GNAQ: variants seen among roughly 807,000 people sequenced by gnomAD.
GNAQ encodes the protein G protein subunit alpha q.
Under a neutral mutation model 43.9 loss-of-function variants are expected in GNAQ, and 8 were observed. The observed-to-expected ratio is 0.18, with a 90% CI of 0.11 to 0.33. The LOEUF is 0.33. Ranked by LOEUF, GNAQ falls within the 10% of genes least tolerant of loss-of-function variation. The pLI, the probability that GNAQ is intolerant of heterozygous loss-of-function variation, is 1.00. For synonymous variants in GNAQ, 155 were observed against 170.7 expected (o/e 0.91, Z 0.71); for missense variants, 158 against 450.8 (o/e 0.35, Z 5.88).
chr9:77,936,090 G>T (rs762434339), intron 1 of GNAQ, among the ~76,000 whole-genome samples: 5 of 152,150 alleles, frequency 3.3e-5, no homozygotes, highest in Admixed American at 2.6e-4. Context: ...GTACATCGGT[G>T]CATTTTATTA....
chr9:77,884,192 A>G (rs1368167760), intron 2 of GNAQ, among the ~76,000 whole-genome samples: 1 of 152,146 alleles, frequency 6.6e-6, no homozygotes, highest in Non-Finnish European at 1.5e-5. Flanking sequence ...CTGGGAGGGG[A>G]AAAAAGATTC....
At chr9:77,795,782 T>C (rs1826648509) in intron 4 of GNAQ, among the ~76,000 whole-genome samples, 3 of 152,170 alleles carry the variant, frequency 2.0e-5, no homozygotes, top group Non-Finnish European at 2.9e-5. Flanking sequence ...AAATCCTCAT[T>C]CCATGAAACT....
At chr9:77,864,193 T>C (rs910797328) in intron 2 of GNAQ, among the ~76,000 whole-genome samples, 3 of 146,520 alleles carry the variant, frequency 2.0e-5, no homozygotes, top group African/African-American at 5.0e-5. Context: ...TTTTAAACAA[T>C]TAGTTCTCTC....
At chr9:77,762,033 A>G (rs1408165579) in intron 5 of GNAQ, among the ~76,000 whole-genome samples, 2 of 119,256 alleles carry the variant, frequency 1.7e-5, no homozygotes, top group Admixed American at 8.3e-5. Context: ...GGAAGTGAGG[A>G]GCCCCTCTGC....
chr9:77,826,232 C>T (rs938346497), intron 2 of GNAQ, among the ~76,000 whole-genome samples: 2 of 152,050 alleles, frequency 1.3e-5, no homozygotes, highest in Admixed American at 1.3e-4. Flanking sequence ...TAGAACCTGG[C>T]CAGCTTCTCA....
At chr9:77,887,988 G>A (rs984191906) in intron 2 of GNAQ, among the ~76,000 whole-genome samples, 1 of 152,174 alleles carries the variant, frequency 6.6e-6, no homozygotes, top group African/African-American at 2.4e-5. Context: ...AGACTGCTGA[G>A]ACCCTTGAAG....
At chr9:77,785,345 C>T (rs927995178) in intron 5 of GNAQ, among the ~76,000 whole-genome samples, 1 of 152,180 alleles carries the variant, frequency 6.6e-6, no homozygotes, top group African/African-American at 2.4e-5. Context: ...CTAGAGCCTT[C>T]GGAGGAATTT....
chr9:77,835,754 T>C (rs1827373740), intron 2 of GNAQ, among the ~76,000 whole-genome samples: 1 of 152,206 alleles, frequency 6.6e-6, no homozygotes, highest in Non-Finnish European at 1.5e-5. Context: ...TGCCTACGAA[T>C]TGCAGAGCCA....
chr9:77,783,699 T>C (rs189286784), intron 5 of GNAQ, among the ~76,000 whole-genome samples: 43 of 152,328 alleles, frequency 2.8e-4, no homozygotes, highest in Admixed American at 2.3e-3. Flanking sequence ...GGCAGGATAC[T>C]AGCACTTCTA....
At chr9:77,833,922 T>C (rs1165697764) in intron 2 of GNAQ, among the ~76,000 whole-genome samples, 1 of 152,190 alleles carries the variant, frequency 6.6e-6, no homozygotes, top group Non-Finnish European at 1.5e-5. Flanking sequence ...AAAGACAGTT[T>C]CCAAAATTCC....
At chr9:77,954,998 A>T (rs1176079395) in intron 1 of GNAQ, among the ~76,000 whole-genome samples, 2 of 152,158 alleles carry the variant, frequency 1.3e-5, no homozygotes, top group African/African-American at 4.8e-5. Flanking sequence ...TCTCCTGCAT[A>T]ACCACCGAAT....
intron 1 of GNAQ, among the ~76,000 whole-genome samples, chr9:77,986,441 T>A (rs955480035): frequency 1.2e-4 from 18 of 152,172 alleles, no homozygotes; most frequent in Non-Finnish European, 2.2e-4. Context: ...AAGCCTCAGT[T>A]TCTAAGAGAG....
chr9:77,982,181 T>C (rs76792276), intron 1 of GNAQ, among the ~76,000 whole-genome samples: 1,857 of 152,340 alleles, frequency 0.012, 12 homozygotes, highest in Non-Finnish European at 0.018. Flanking sequence ...TATGTGCTTA[T>C]AGAAAGTCTT....
At chr9:77,794,949 T>C (rs1826634525) in intron 4 of GNAQ, among the ~76,000 whole-genome samples, 1 of 152,214 alleles carries the variant, frequency 6.6e-6, no homozygotes, top group African/African-American at 2.4e-5. Context: ...TGGCAAATAC[T>C]GAACTTCAGT....
At chr9:77,826,551 G>T (rs531271196) in intron 2 of GNAQ, among the ~76,000 whole-genome samples, 11 of 152,190 alleles carry the variant, frequency 7.2e-5, no homozygotes, top group Non-Finnish European at 1.3e-4. Context: ...ACTGAGGCAC[G>T]CCTTAAGTGC....
Position 77,718,051 on chromosome 9 carries a change from A to G in GNAQ, c.*3272T>C, listed in dbSNP as rs1203258178. On this transcript the variant is annotated 3_prime_UTR_variant, in exon 7 of 7. Coordinates refer to ENST00000286548, the MANE Select transcript of GNAQ (RefSeq NM_002072.5). ...GAACTGCCATGTCACGCAAAAAGGG[A>G]AAAATCATCTGTAAACTGGTACACT... 8.6e-6 allele frequency: 2 copies of G among 232,734 alleles called. No individual in the cohort carries two copies. Among genetic ancestry groups the G allele is most frequent in the African/African-American group, 4.4e-5 (2 of 45,332 alleles). 14.4% of individuals were successfully genotyped at this position (232,734 alleles called of 1,614,324 possible).
chr9:77,760,962 T>TCC (rs1391658508), intron 5 of GNAQ, among the ~76,000 whole-genome samples: 1 of 147,020 alleles, frequency 6.8e-6, no homozygotes, highest in Non-Finnish European at 1.5e-5. Context: ...GAGGAGACCC[T>TCC]CCGCCTGGCA....
intron 2 of GNAQ, among the ~76,000 whole-genome samples, chr9:77,920,053 C>T (rs778311020): frequency 2.0e-5 from 3 of 151,980 alleles, no homozygotes; most frequent in Admixed American, 6.6e-5. Flanking sequence ...GCAGGAGAAT[C>T]GCTTGAACCT....
At chr9:77,880,727 T>C (rs1828194934) in intron 2 of GNAQ, among the ~76,000 whole-genome samples, 3 of 152,220 alleles carry the variant, frequency 2.0e-5, no homozygotes, top group African/African-American at 7.2e-5. Context: ...AAGTATGTTT[T>C]GTTCCTTCTG....
Sources: allele counts gnomAD v4.1 joint callset (sites outside exome capture counted in the v4.1 genomes callset), GRCh38; gene constraint gnomAD v4.1.1; transcripts MANE v1.5; gene names NCBI Gene and HGNC (gene_info 2026-07-23, HGNC 2026-07-21).